CER1: variants seen among roughly 807,000 people sequenced by gnomAD.
CER1 encodes cerberus 1, DAN family BMP antagonist, also known as cerberus.
Under a neutral mutation model 11.8 loss-of-function variants are expected in CER1, and 10 were observed. That is an observed-to-expected ratio of 0.85 (90% CI 0.52 to 1.44). CER1 has a LOEUF of 1.44. CER1 is among the 40% of genes most tolerant of loss of function. The probability of loss-of-function intolerance (pLI) is 0.00; values close to 1 mark genes in which losing one functional copy is unlikely to be tolerated. For missense variants in CER1, 431 were observed against 327.0 expected (o/e 1.32, Z -2.45); for synonymous variants, 141 against 122.3 (o/e 1.15, Z -1.01).
intron 1 of CER1, 74 bp from the exon 2 acceptor site, chr9:14,720,460 C>A: frequency 7.3e-7 from 1 of 1,373,886 alleles, no homozygotes; most frequent in South Asian, 1.4e-5. Context: ...AAGCTATGGA[C>A]TGTAAATCTG....
At chr9:14,717,532 G>C (rs566321406), downstream of CER1, among the ~76,000 whole-genome samples, 53 of 152,174 alleles carry the variant, frequency 3.5e-4, no homozygotes, top group Admixed American at 5.9e-4. Context: ...CAATAATTTT[G>C]AGGTAATTAT....
Position 14,722,343 on chromosome 9 carries a change from C to A in CER1, c.330G>T (p.Gln110His), listed in dbSNP as rs778604622. The change falls in exon 1 of 2, where the codon CAG (glutamine) becomes CAT (histidine). Residue 110 changes from glutamine (Q) to histidine (H), a missense_variant. By Grantham distance (24) the Gln-to-His change is conservative. Transcript: ENST00000380911. Reference sequence around the variant, plus strand: ...TTCCATCTATCGGCTGGATGAGGGACTGGGTCCCAGGTGGGAAGGGCTCAC... The same window carrying A: ...TTCCATCTATCGGCTGGATGAGGGAATGGGTCCCAGGTGGGAAGGGCTCAC... ...SDSEPFPPGT[Q>H]SLIQPIDGMK... is the part of the protein sequence containing the mutation. The A allele has an allele frequency of 1.2e-6, 2 of 1,614,102 alleles. No homozygotes were observed. The highest frequency in any genetic ancestry group is 1.7e-6 in the Non-Finnish European group (2 of 1,180,050).
downstream of CER1, chr9:14,719,702 T>C (rs868435486): frequency 4.7e-5 from 8 of 168,822 alleles, no homozygotes; most frequent in Non-Finnish European, 1.0e-4. Flanking sequence ...AAGAAGCCCA[T>C]TTTTATGGTC....
downstream of CER1, among the ~76,000 whole-genome samples, chr9:14,718,880 C>T (rs1839968204): frequency 6.6e-6 from 1 of 152,044 alleles, no homozygotes; most frequent in Non-Finnish European, 1.5e-5. Context: ...GAAGACATTC[C>T]AGAAATGCTT....
intron 1 of CER1, among the ~76,000 whole-genome samples, chr9:14,721,107 A>C (rs1030492846): frequency 2.0e-4 from 30 of 152,246 alleles, no homozygotes; most frequent in African/African-American, 6.3e-4. Context: ...CCAACAGAGT[A>C]GTCATTATTA....
downstream of CER1, among the ~76,000 whole-genome samples, chr9:14,718,075 T>C (rs1839959532): frequency 1.3e-5 from 2 of 152,174 alleles, no homozygotes; most frequent in Admixed American, 6.5e-5. Flanking sequence ...ATATGAGCAA[T>C]TTTGTTGAAT....
Position 14,719,799 on chromosome 9 carries a change from T to A in CER1, c.*291A>T. The A allele has an allele frequency of 3.1e-6, 1 of 321,732 alleles. No individual in the cohort carries two copies. The highest frequency in any genetic ancestry group is 5.9e-6 in the Non-Finnish European group (1 of 169,382). 19.9% of individuals were successfully genotyped at this position (321,732 alleles called of 1,614,324 possible). ...CACGGAATATTAGTAGTGGAAAGGA[T>A]TTTAGCAATCATCTAGGTCGGGTCC... On this transcript the variant is annotated 3_prime_UTR_variant, in exon 2 of 2. Transcript: ENST00000380911.
intron 1 of CER1, among the ~76,000 whole-genome samples, chr9:14,721,181 TG>T (rs1840008025): frequency 6.6e-6 from 1 of 152,222 alleles, no homozygotes; most frequent in African/African-American, 2.4e-5. Flanking sequence ...TTAACTGCCT[TG>T]AACAGTCAAT....
chr9:14,721,821 G>C (rs530885941), intron 1 of CER1, among the ~76,000 whole-genome samples: 2 of 152,256 alleles, frequency 1.3e-5, no homozygotes, highest in Admixed American at 1.3e-4. Context: ...TAAATTCTCA[G>C]TTTCCTAACT....
rs149938724 is a variant in CER1 at position 14,722,464 on chromosome 9, C to G, written c.209G>C (p.Gly70Ala). The change falls in exon 1 of 2, where the codon GGG (glycine) becomes GCG (alanine). Residue 70 changes from glycine to alanine, a missense_variant. Coordinates refer to ENST00000380911, the MANE Select transcript of CER1 (RefSeq NM_005454.3). ...VPHLVATSPA[G>A]EGQRQREKML... Reference sequence around the variant, plus strand: ...CTTCTCTCTCTGCCTCTGGCCTTCCCCTGCAGGGCTGGTGGCTACAAGGTG... The same window carrying G: ...CTTCTCTCTCTGCCTCTGGCCTTCCGCTGCAGGGCTGGTGGCTACAAGGTG... 4.1e-5 allele frequency: 66 copies of G among 1,614,186 alleles called. No homozygotes were observed. Among genetic ancestry groups the G allele is most frequent in the African/African-American group, 1.3e-4 (10 of 75,050 alleles).
chr9:14,721,257 G>A (rs749774814), intron 1 of CER1, among the ~76,000 whole-genome samples: 1 of 152,152 alleles, frequency 6.6e-6, no homozygotes, highest in Admixed American at 6.6e-5. Flanking sequence ...ACTCTACCCT[G>A]CATGTTTTTG....
downstream of CER1, among the ~76,000 whole-genome samples, chr9:14,717,751 T>G (rs1839956202): frequency 6.6e-6 from 1 of 152,172 alleles, no homozygotes; most frequent in Admixed American, 6.5e-5. Flanking sequence ...GCAAGAGACC[T>G]GGAAGAGTTC....
rs150762974 is a variant in CER1 at position 14,722,383 on chromosome 9, G to C, written c.290C>G (p.Ser97Cys). Residue 97 changes from serine (S) to cysteine (C), a missense_variant, in exon 1 of 2, where the codon TCC becomes TGC. Physicochemically the swap from Ser to Cys is moderately radical, Grantham distance 112. Transcript: ENST00000380911. Reference protein sequence around the residue: ...WKKPEREMHPSRDSDSEPFPP... With the variant: ...WKKPEREMHPCRDSDSEPFPP... Reference sequence around the variant, plus strand: ...GAAGGGCTCACTATCTGAGTCCCTGGATGGATGCATTTCTCTCTCAGGCTT... The same window carrying C: ...GAAGGGCTCACTATCTGAGTCCCTGCATGGATGCATTTCTCTCTCAGGCTT... 2 of 1,614,214 alleles carry C rather than the reference G, an allele frequency of 1.2e-6. No individual in the cohort carries two copies. Among genetic ancestry groups the C allele is most frequent in the Non-Finnish European group, 1.7e-6 (2 of 1,180,042 alleles).
chr9:14,719,557 G>GCCTGCCTT, downstream of CER1, among the ~76,000 whole-genome samples: 2 of 76,532 alleles, frequency 2.6e-5, no homozygotes, highest in Non-Finnish European at 6.1e-5. Flanking sequence ...CTGCCTGCCT[G>GCCTGCCTT]CCTGCCTTCC....
In CER1 at chr9:14,722,699, T is replaced by C. The variant is rs772699653; in HGVS notation, c.-27A>G. ...CTGTCAGGGGCCCAAGCTTCTTTTG[T>C]AAATGATGAGGCCCAAAGGAGAGGC... On this transcript the variant is annotated 5_prime_UTR_variant, in exon 1 of 2. Coordinates refer to ENST00000380911, the MANE Select transcript of CER1 (RefSeq NM_005454.3). The C allele has an allele frequency of 6.4e-7, 1 of 1,571,404 alleles. No homozygotes were observed. The highest frequency in any genetic ancestry group is 1.8e-5 in the Admixed American group (1 of 55,092).
In CER1 at chr9:14,720,223, G is replaced by C. The variant is rs775846151; in HGVS notation, c.671C>G (p.Thr224Ser). 7 of 1,614,044 alleles carry C rather than the reference G, an allele frequency of 4.3e-6. No homozygotes were observed. In the African/African-American group the frequency reaches 5.3e-5, roughly 12 times the overall value. The change falls in exon 2 of 2, where the codon ACT becomes AGT. Residue 224 changes from threonine (T) to serine (S), a missense_variant. By Grantham distance (58) the Thr-to-Ser change is moderately conservative (BLOSUM62 1). Transcript: ENST00000380911. ...FTTMHLPLNC[T>S]ELSSVIKVVM... ...CACCTTGATCACGGAGGAAAGTTCA[G>C]TGCAGTTCAGTGGCAAGTGCATCGT...
chr9:14,721,905 GT>G (rs1563781091), intron 1 of CER1, among the ~76,000 whole-genome samples: 1 of 152,150 alleles, frequency 6.6e-6, no homozygotes, highest in Non-Finnish European at 1.5e-5. Context: ...ACAGAGCTCT[GT>G]GTCTTCAGTG....
At chr9:14,718,476 C>A (rs1839964371), downstream of CER1, among the ~76,000 whole-genome samples, 3 of 152,130 alleles carry the variant, frequency 2.0e-5, no homozygotes, top group Admixed American at 2.0e-4. Context: ...ATGTAAATGC[C>A]ATGTGTGCAT....
In CER1 at chr9:14,720,086, C is replaced by T. The variant is rs374758193; in HGVS notation, c.*4G>A. The T allele has an allele frequency of 9.3e-6, 15 of 1,611,334 alleles. No individual in the cohort carries two copies. In the African/African-American group the frequency reaches 9.4e-5, roughly 10 times the overall value. Reference sequence around the variant, plus strand: ...CTTTTCAAAGGTAATAGTGGGATAGCTCTTCAAGCTGAAACTCCTGGGATA... The same window carrying T: ...CTTTTCAAAGGTAATAGTGGGATAGTTCTTCAAGCTGAAACTCCTGGGATA... On this transcript the variant is annotated 3_prime_UTR_variant, in exon 2 of 2. Coordinates refer to ENST00000380911, the MANE Select transcript of CER1 (RefSeq NM_005454.3).
Sources: allele counts gnomAD v4.1 joint callset (sites outside exome capture counted in the v4.1 genomes callset), GRCh38; gene constraint gnomAD v4.1.1; transcripts MANE v1.5; gene names NCBI Gene and HGNC (gene_info 2026-07-23, HGNC 2026-07-21).